CSMD1: variants seen among roughly 807,000 people sequenced by gnomAD.
CSMD1 encodes the protein CUB and Sushi multiple domains 1, also known as CUB and sushi domain-containing protein 1.
A neutral mutation model predicts 417.5 loss-of-function variants in CSMD1; 213 were observed. That is an observed-to-expected ratio of 0.51 (90% CI 0.46 to 0.57). CSMD1 has a LOEUF of 0.57. Ranked by LOEUF, CSMD1 falls within the 20% of genes least tolerant of loss-of-function variation. The pLI, the probability that CSMD1 is intolerant of heterozygous loss-of-function variation, is 0.00. For synonymous variants in CSMD1, 2,862 were observed against 1,736.8 expected (o/e 1.65, Z -16.11); for missense variants, 6,923 against 4,529.7 (o/e 1.53, Z -15.17).
At chr8:3,232,059 C>A (rs12541333) in intron 26 of CSMD1, among the ~76,000 whole-genome samples, 51,219 of 152,076 alleles carry the variant, frequency 0.34, 9,198 homozygotes, top group Non-Finnish European at 0.4. Context: ...AACATCTGTG[C>A]TACCAACTCT....
chr8:3,536,676 C>A lies in CSMD1; in HGVS notation c.1344+38269G>T, dbSNP rs529022955. Among the ~76,000 whole-genome samples, 3 of 152,238 alleles carry A rather than the reference C, an allele frequency of 2.0e-5. No homozygotes were observed. The South Asian group carries it at 6.2e-4, about 32-fold the overall frequency. On this transcript the variant is annotated intron_variant, in intron 10 of 69. Transcript: ENST00000635120. Reference sequence around the variant, plus strand: ...GTGGCAGTGGTCAGAAGTGTAGGCACAGAGCAATAGGATCTGTGCCCTCAG... The same window carrying A: ...GTGGCAGTGGTCAGAAGTGTAGGCAAAGAGCAATAGGATCTGTGCCCTCAG...
chr8:3,580,303 G>A (rs1485877113), intron 9 of CSMD1, among the ~76,000 whole-genome samples: 1 of 152,042 alleles, frequency 6.6e-6, no homozygotes, highest in African/African-American at 2.4e-5. Flanking sequence ...TAAAGTGAGG[G>A]AAAAGGCCTG....
chr8:4,274,619 T>G (rs1006507142), intron 3 of CSMD1, among the ~76,000 whole-genome samples: 1 of 152,160 alleles, frequency 6.6e-6, no homozygotes, highest in South Asian at 2.1e-4. Context: ...GAAATTTCTA[T>G]TAAATATCGA....
intron 37 of CSMD1, among the ~76,000 whole-genome samples, chr8:3,179,160 C>A (rs2612619): frequency 7.0e-6 from 1 of 142,716 alleles, no homozygotes; most frequent in African/African-American, 2.5e-5. Context: ...TTAGCCAGGA[C>A]TGTCTCGATC....
rs112108425 is a variant in CSMD1, at chr8:3,208,845, A to G, written c.4868-3225T>C. Among the ~76,000 whole-genome samples the G allele has an allele frequency of 3.2e-3, 487 of 152,246 alleles. 5 individuals are homozygous for G. Among genetic ancestry groups the G allele is most frequent in the African/African-American group, 0.011 (455 of 41,546 alleles). On this transcript the variant is annotated intron_variant, in intron 30 of 69. Coordinates refer to ENST00000635120, the MANE Select transcript of CSMD1 (RefSeq NM_033225.6). ...TGGATGCTTCTTGCCCCTGAACGTC[A>G]AACTCCAAGTTCTTCAGTTTTGGGA...
chr8:4,873,178 G>A (rs922697329), intron 1 of CSMD1, among the ~76,000 whole-genome samples: 2 of 152,110 alleles, frequency 1.3e-5, no homozygotes, highest in Admixed American at 1.3e-4. Context: ...AAAATGATAG[G>A]AGGTGGCAAC....
chr8:2,962,375 C>G (rs1295874682), intron 61 of CSMD1, 91 bp downstream of exon 61: 2 of 1,165,328 alleles, frequency 1.7e-6, no homozygotes, highest in African/African-American at 3.1e-5. Flanking sequence ...GAAACACTTT[C>G]TATGTAATCA....
intron 3 of CSMD1, among the ~76,000 whole-genome samples, chr8:4,200,934 T>C (rs1290308277): frequency 6.6e-6 from 1 of 152,186 alleles, no homozygotes; most frequent in East Asian, 1.9e-4. Context: ...TTCATGTCTT[T>C]TCTAATCTCC....
At chr8:3,286,807 T>G (rs1186832105) in intron 25 of CSMD1, among the ~76,000 whole-genome samples, 1 of 152,220 alleles carries the variant, frequency 6.6e-6, no homozygotes, top group South Asian at 2.1e-4. Flanking sequence ...TCTTGTGCTG[T>G]GCAGAAGCTC....
chr8:4,623,464 C>A lies in CSMD1; in HGVS notation c.302+13878G>T, dbSNP rs951499739. Among the ~76,000 whole-genome samples, 13 of 152,088 alleles carry A rather than the reference C, an allele frequency of 8.5e-5. No homozygotes were observed. The East Asian group carries it at 2.3e-3, about 27-fold the overall frequency. ...TTTAACATAAAACATACTACCCACC[C>A]ATTCCACTCTTGAATGTTTGACCAC... On this transcript the variant is annotated intron_variant, in intron 2 of 69. Coordinates refer to ENST00000635120, the MANE Select transcript of CSMD1 (RefSeq NM_033225.6).
rs576536887 is a variant in CSMD1, at chr8:3,816,096, C to G, written c.819-62054G>C. On this transcript the variant is annotated intron_variant, in intron 5 of 69. Transcript: ENST00000635120. ...TGCCTTCCTGACAAACCTGCCTTCACCTTTAGGTCTCTATCTCATTAACAC... is the reference window on the plus strand; with the variant it reads ...TGCCTTCCTGACAAACCTGCCTTCAGCTTTAGGTCTCTATCTCATTAACAC... Among the ~76,000 whole-genome samples, 22 of 152,266 alleles carry G rather than the reference C, an allele frequency of 1.4e-4. No homozygotes were observed. The South Asian group carries it at 1.5e-3, about 10-fold the overall frequency.
intron 3 of CSMD1, among the ~76,000 whole-genome samples, chr8:4,413,538 C>G (rs1425462223): frequency 2.0e-5 from 3 of 152,110 alleles, no homozygotes; most frequent in Non-Finnish European, 4.4e-5. Context: ...TGTTCATGTA[C>G]TGACAGCACT....
At chr8:4,713,641 A>C (rs1356739074) in intron 1 of CSMD1, among the ~76,000 whole-genome samples, 3 of 152,094 alleles carry the variant, frequency 2.0e-5, no homozygotes, top group Non-Finnish European at 4.4e-5. Flanking sequence ...AATATAAAAA[A>C]GTGGAACGTC....
At chr8:4,955,887 A>G (rs536418456) in intron 1 of CSMD1, among the ~76,000 whole-genome samples, 11 of 152,320 alleles carry the variant, frequency 7.2e-5, no homozygotes, top group Admixed American at 2.6e-4. Context: ...AGTAGTTGTT[A>G]AACTTCAGAG....
chr8:4,582,842 G>A (rs535369605), intron 2 of CSMD1, among the ~76,000 whole-genome samples: 4 of 152,346 alleles, frequency 2.6e-5, no homozygotes, highest in Non-Finnish European at 4.4e-5. Context: ...AGGCGCGAGT[G>A]GGAACCAGGG....
intron 54 of CSMD1, among the ~76,000 whole-genome samples, chr8:2,993,996 G>GA (rs928350271): frequency 2.1e-5 from 3 of 143,002 alleles, no homozygotes; most frequent in African/African-American, 8.1e-5. Context: ...AAAAAAAAAA[G>GA]AAAAAAAATT....
chr8:4,033,903 A>G (rs1797485098), intron 3 of CSMD1, among the ~76,000 whole-genome samples: 1 of 152,204 alleles, frequency 6.6e-6, no homozygotes, highest in South Asian at 2.1e-4. Context: ...ATTGTTGGCT[A>G]TTGTATCCAT....
chr8:4,830,274 G>A (rs1370050438), intron 1 of CSMD1, among the ~76,000 whole-genome samples: 1 of 152,164 alleles, frequency 6.6e-6, no homozygotes, highest in Non-Finnish European at 1.5e-5. Context: ...GCTTGGTAAA[G>A]AAAGGAACCA....
At chr8:4,711,072 A>G (rs765787253) in intron 1 of CSMD1, among the ~76,000 whole-genome samples, 3 of 151,938 alleles carry the variant, frequency 2.0e-5, no homozygotes, top group Non-Finnish European at 2.9e-5. Context: ...TCATGACATG[A>G]TATTTCAGAA....
Sources: allele counts gnomAD v4.1 joint callset (sites outside exome capture counted in the v4.1 genomes callset), GRCh38; gene constraint gnomAD v4.1.1; transcripts MANE v1.5; gene names NCBI Gene and HGNC (gene_info 2026-07-23, HGNC 2026-07-21).